The following NUP210L variants were observed in gnomAD, a reference collection of about 807,000 sequenced individuals.
NUP210L encodes the protein nuclear pore membrane glycoprotein 210-like.
In NUP210L, 74 loss-of-function variants were observed where a neutral mutation model predicts 208.5. The observed-to-expected ratio is 0.35, with a 90% CI of 0.29 to 0.43. The LOEUF (loss-of-function observed/expected upper bound fraction) is 0.43, where lower values mean the gene tolerates loss of function less well. Among genes scored for constraint, NUP210L ranks in the 20% least tolerant of loss-of-function variants. The pLI is 1.00. For missense variants in NUP210L, 1,843 were observed against 2,289.4 expected, an observed-to-expected ratio of 0.81 and a Z score of 3.98; for synonymous variants, 780 against 816.9, an observed-to-expected ratio of 0.95 and a Z score of 0.77.
chr1:154,132,744 T>G (rs1205885949), intron 7 of NUP210L, among the ~76,000 whole-genome samples: 4 of 152,272 alleles, frequency 2.6e-5, no homozygotes, highest in Non-Finnish European at 4.4e-5. Flanking sequence ...TAACTTAATT[T>G]ATTTTGTAGG....
intron 22 of NUP210L, 132 bp from the exon 23 acceptor site, chr1:154,057,079 AT>A: frequency 1.3e-6 from 1 of 761,834 alleles, no homozygotes; most frequent in Non-Finnish European, 2.1e-6. Flanking sequence ...CCCAGACTCA[AT>A]GTATCCTCCC....
At chr1:154,055,133 TTCTTTCTTTCTTTCTTTC>T (rs1428034790) in intron 23 of NUP210L, among the ~76,000 whole-genome samples, 3 of 68,628 alleles carry the variant, frequency 4.4e-5, no homozygotes, top group African/African-American at 2.3e-4. Context: ...TTTTCTTTCT[TTCTTTCTTTCTTTCTTTC>T]TTTCTTTCTT....
chr1:154,099,863 C>T (rs1656374149), intron 14 of NUP210L, 135 bp downstream of exon 14: 1 of 885,252 alleles, frequency 1.1e-6, no homozygotes, highest in Non-Finnish European at 1.8e-6. Flanking sequence ...GATCTAAAAA[C>T]AAAAAAGTGG....
rs536449678 is a variant in NUP210L, at chr1:154,002,002, A to C, written c.4931-17T>G. The C allele has an allele frequency of 2.5e-6, 4 of 1,611,132 alleles. No individual in the cohort carries two copies. In the Admixed American group the frequency reaches 6.7e-5, roughly 27 times the overall value. On this transcript the variant is annotated splice_polypyrimidine_tract_variant and intron_variant, in intron 35 of 39. Transcript: ENST00000368559. The stretch of plus-strand genomic sequence containing the variant: ...CATAAACCCCTGGAAAAAAAAGAGG[A>C]AAAACTGAGCAGGAAGGTTCAGAGG...
At chr1:154,119,934 G>T (rs1279232018) in intron 10 of NUP210L, among the ~76,000 whole-genome samples, 1 of 152,166 alleles carries the variant, frequency 6.6e-6, no homozygotes, top group Admixed American at 6.6e-5. Context: ...GGGTCAAATG[G>T]TATTTCTAGT....
At chr1:154,060,477 C>T in intron 20 of NUP210L, 63 bp downstream of exon 20, 3 of 1,006,656 alleles carry the variant, frequency 3.0e-6, no homozygotes, top group South Asian at 3.0e-5. Flanking sequence ...TGGAATTTTT[C>T]CAATCTCCTC....
chr1:154,143,554 C>T lies in NUP210L; in HGVS notation c.364G>A (p.Asp122Asn), dbSNP rs201855235. ...CTGTTTATCACATCAACCTTAACATCACAGCGTAGCTCATGGTCAGTCACT... is the reference window on the plus strand; with the variant it reads ...CTGTTTATCACATCAACCTTAACATTACAGCGTAGCTCATGGTCAGTCACT... Residue 122 changes from aspartate to asparagine, a missense_variant, in exon 3 of 40, where the codon GAT (aspartate) becomes AAT (asparagine). Asp to Asn is a conservative substitution (Grantham distance 23). This residue lies in a region of NUP210L where 542 missense variants were observed against 606.4 expected (regional missense o/e 0.89). Transcript: ENST00000368559. 1.9e-6 allele frequency: 3 copies of T among 1,613,704 alleles called. No individual in the cohort carries two copies. In the African/African-American group the frequency reaches 4.0e-5, roughly 22 times the overall value.
intron 2 of NUP210L, among the ~76,000 whole-genome samples, chr1:154,147,943 C>A (rs1186702214): frequency 7.1e-6 from 1 of 140,032 alleles, no homozygotes; most frequent in Non-Finnish European, 1.6e-5. Flanking sequence ...AGGTGAGCCA[C>A]CGTGCCTGGC....
At chr1:153,998,553 CAAAAAA>C (rs566361453) in intron 37 of NUP210L, among the ~76,000 whole-genome samples, 1 of 53,780 alleles carries the variant, frequency 1.9e-5, no homozygotes, top group East Asian at 5.6e-4. Context: ...GGTTCTGTCT[CAAAAAA>C]AAAAAAAAAA....
At chr1:154,084,722 C>T (rs1655534769) in intron 16 of NUP210L, among the ~76,000 whole-genome samples, 1 of 150,448 alleles carries the variant, frequency 6.6e-6, no homozygotes, top group Admixed American at 6.6e-5. Context: ...ATCCACCTGC[C>T]TTGGCCTTCC....
intron 23 of NUP210L, 135 bp downstream of exon 23, chr1:154,056,680 C>G (rs1415385373): frequency 1.2e-6 from 1 of 826,432 alleles, no homozygotes; most frequent in African/African-American, 1.8e-5. Context: ...CTCAGCCTCC[C>G]AAAGTGCTCA....
chr1:154,088,933 G>C (rs955433374), intron 16 of NUP210L, among the ~76,000 whole-genome samples: 15 of 151,898 alleles, frequency 9.9e-5, no homozygotes, highest in Non-Finnish European at 2.9e-5. Flanking sequence ...CTACATTATT[G>C]TTTATCACTA....
intron 12 of NUP210L, among the ~76,000 whole-genome samples, chr1:154,110,172 T>G (rs1656971961): frequency 6.7e-6 from 1 of 148,272 alleles, no homozygotes; most frequent in African/African-American, 2.5e-5. Context: ...GAGGCACAGG[T>G]TGCAGTGAGC....
At chr1:154,131,083 G>A (rs919046838) in intron 7 of NUP210L, among the ~76,000 whole-genome samples, 3 of 151,706 alleles carry the variant, frequency 2.0e-5, no homozygotes, top group Admixed American at 2.0e-4. Flanking sequence ...TGGCTAACAC[G>A]GTGAAACCCC....
intron 16 of NUP210L, among the ~76,000 whole-genome samples, chr1:154,072,494 G>A (rs1475672394): frequency 4.0e-5 from 6 of 151,696 alleles, no homozygotes; most frequent in African/African-American, 1.2e-4. Flanking sequence ...CACCACGACC[G>A]GCTAATTTTT....
intron 14 of NUP210L, among the ~76,000 whole-genome samples, chr1:154,096,354 A>T (rs1292289479): frequency 6.6e-6 from 1 of 152,250 alleles, no homozygotes; most frequent in African/African-American, 2.4e-5. Context: ...TTCAATAAAT[A>T]TTCACTTATG....
chr1:154,120,217 C>T (rs2148103182), intron 10 of NUP210L, among the ~76,000 whole-genome samples: 1 of 152,254 alleles, frequency 6.6e-6, no homozygotes, highest in African/African-American at 2.4e-5. Context: ...TGTTCACATC[C>T]TTCACCCACT....
At chr1:154,002,256 T>C (rs763142637) in intron 35 of NUP210L, among the ~76,000 whole-genome samples, 6 of 152,078 alleles carry the variant, frequency 3.9e-5, no homozygotes, top group Non-Finnish European at 7.4e-5. Flanking sequence ...CACTGTGTCG[T>C]GCAGGCTAGA....
At chr1:154,099,130 G>A (rs529009559) in intron 14 of NUP210L, among the ~76,000 whole-genome samples, 1 of 152,264 alleles carries the variant, frequency 6.6e-6, no homozygotes, top group Admixed American at 6.5e-5. Context: ...TGCAGAAGGG[G>A]CCTTCCTGGG....
Sources: gnomAD v4.1 joint callset for allele counts (sites outside exome capture counted in the v4.1 genomes callset) on GRCh38, gnomAD v4.1.1 for gene constraint, gnomAD v4.1.1 regional missense constraint, MANE v1.5 for transcripts, NCBI Gene and HGNC (gene_info 2026-07-23, HGNC 2026-07-21) for gene names.